NCOR2: variants seen among roughly 807,000 people sequenced by gnomAD.
NCOR2 encodes the protein CTG repeat protein 26.
A neutral mutation model predicts 262.9 loss-of-function variants in NCOR2; 81 were observed. The observed-to-expected ratio is 0.31, with a 90% CI of 0.26 to 0.37. The LOEUF (loss-of-function observed/expected upper bound fraction) is 0.37. NCOR2 is among the 10% of genes least tolerant of loss of function. The pLI, the probability that NCOR2 is intolerant of heterozygous loss-of-function variation, is 1.00. For missense variants in NCOR2, 3,385 were observed against 3,621.4 expected, an observed-to-expected ratio of 0.93 and a Z score of 1.68; for synonymous variants, 1,659 against 1,559.3, an observed-to-expected ratio of 1.06 and a Z score of -1.51.
chr12:124,501,287 A>G (rs2048718915), intron 1 of NCOR2, among the ~76,000 whole-genome samples: 1 of 151,778 alleles, frequency 6.6e-6, no homozygotes, highest in East Asian at 1.9e-4. Context: ...CTCAGTAGGT[A>G]TTTGTTCCAC....
intron 13 of NCOR2, 92 bp from the exon 16 acceptor site, chr12:124,402,653 G>C (rs2042046926): frequency 1.3e-6 from 2 of 1,530,444 alleles, no homozygotes; most frequent in South Asian, 2.4e-5. Context: ...CCTGAGCTGG[G>C]GGAGGAGGAG....
Position 124,378,192 on chromosome 12 carries a change from C to G in NCOR2, c.2167+45G>C. On this transcript the variant is annotated intron_variant, in intron 18 of 46. Coordinates refer to ENST00000405201, the Ensembl canonical transcript of NCOR2. This position sits in a 1 kb window ranked among gnomAD's most constrained non-coding sequence, Gnocchi z 4.2. ...TCCCGCTATGCCCTCCCTCAGAGCT[C>G]GGACCCACAGCTGCCAGCCACCTCC... 3.1e-6 allele frequency: 5 copies of G among 1,598,968 alleles called. No homozygotes were observed. Among genetic ancestry groups the G allele is most frequent in the Non-Finnish European group, 4.3e-6 (5 of 1,171,066 alleles).
rs1046928662 is a variant in NCOR2 at position 124,430,890 on chromosome 12, A to G, written c.883-103T>C. ...CAGGCAGACACACAGGTGCGTGCGC[A>G]CACACACAAAGTCACACAGGCACAC... On this transcript the variant is annotated intron_variant, in intron 8 of 46. Coordinates refer to ENST00000405201, the Ensembl canonical transcript of NCOR2. The G allele has an allele frequency of 2.3e-5, 32 of 1,386,286 alleles. No individual in the cohort carries two copies. In the African/African-American group the frequency reaches 2.8e-4, roughly 12 times the overall value. 85.9% of individuals were successfully genotyped at this position (1,386,286 alleles called of 1,614,324 possible).
chr12:124,355,291 C>A, intron 24 of NCOR2, 141 bp downstream of exon 26: 1 of 1,050,802 alleles, frequency 9.5e-7, no homozygotes, highest in Non-Finnish European at 1.4e-6. Flanking sequence ...CAGGACCCAG[C>A]CAGCTCAGAC....
intron 2 of NCOR2, among the ~76,000 whole-genome samples, chr12:124,485,363 C>T (rs1020237311): frequency 1.3e-5 from 2 of 152,208 alleles, no homozygotes; most frequent in East Asian, 1.9e-4. Flanking sequence ...GAAATGGCCA[C>T]GTGAGACAGA....
At chr12:124,553,327 C>G (rs1267371649) in intron 1 of NCOR2, among the ~76,000 whole-genome samples, 1 of 152,228 alleles carries the variant, frequency 6.6e-6, no homozygotes, top group African/African-American at 2.4e-5. Context: ...CACCTTAAAT[C>G]CCCTTTGCAG....
chr12:124,483,950 G>A lies in NCOR2; in HGVS notation c.234-177C>T, dbSNP rs955132687. Among the ~76,000 whole-genome samples, 1 of 152,190 alleles carries A rather than the reference G, an allele frequency of 6.6e-6. No individual in the cohort carries two copies. The highest frequency in any genetic ancestry group is 1.5e-5 in the Non-Finnish European group (1 of 68,022). On this transcript the variant is annotated intron_variant, in intron 2 of 46. Coordinates refer to ENST00000405201, the Ensembl canonical transcript of NCOR2. This position sits in a 1 kb window ranked among gnomAD's most constrained non-coding sequence, Gnocchi z 6.3. ...TCCCACAGCAGGGCAGGACTCCAAT[G>A]CAGCGCTGCCTTCCTTCAGGTCCAC...
rs117751641 is a variant in NCOR2, at chr12:124,473,153, C to T, written c.412-22G>A. 2.6e-5 allele frequency: 42 copies of T among 1,612,846 alleles called. No individual in the cohort carries two copies. In the East Asian group the frequency reaches 8.7e-4, roughly 33 times the overall value. The stretch of plus-strand genomic sequence containing the variant: ...GGTCCTGTGGCAGAAAAAAAACGGG[C>T]ATGGGGTCAGCACAGGGGACACCCC... On this transcript the variant is annotated intron_variant, in intron 3 of 46. Coordinates refer to ENST00000405201, the Ensembl canonical transcript of NCOR2.
intron 13 of NCOR2, among the ~76,000 whole-genome samples, chr12:124,416,251 A>G (rs1225383865): frequency 2.0e-5 from 3 of 152,176 alleles, no homozygotes; most frequent in Non-Finnish European, 4.4e-5. Context: ...CTATTTACCC[A>G]TCAAAAATGA....
upstream of NCOR2, among the ~76,000 whole-genome samples, chr12:124,499,590 G>A (rs1021457759): frequency 3.3e-5 from 5 of 152,242 alleles, no homozygotes; most frequent in African/African-American, 2.4e-5. Context: ...CGCAGGCTTG[G>A]GGGTGAGCCC....
intron 4 of NCOR2, among the ~76,000 whole-genome samples, chr12:124,471,844 G>A (rs2046847741): frequency 1.3e-5 from 2 of 152,234 alleles, no homozygotes; most frequent in African/African-American, 2.4e-5. Context: ...TGGGATTACA[G>A]GCATCAGCCA....
intron 41 of NCOR2, among the ~76,000 whole-genome samples, chr12:124,333,755 A>G (rs1053047880): frequency 6.6e-6 from 1 of 151,442 alleles, no homozygotes; most frequent in Non-Finnish European, 1.5e-5. Flanking sequence ...ACGGTTCACC[A>G]GGGTGGGGGT....
At position 124,486,431 on chromosome 12, in the gene NCOR2, C is replaced by G; in HGVS notation, c.233+10G>C. Reference sequence around the variant, plus strand: ...CGCCCTGGACAGGGAGGCAGCAACTCTCTCCTCACCGTTCATTCCCGGGCT... The same window carrying G: ...CGCCCTGGACAGGGAGGCAGCAACTGTCTCCTCACCGTTCATTCCCGGGCT... On this transcript the variant is annotated intron_variant, in intron 2 of 46. Transcript: ENST00000405201. The G allele has an allele frequency of 5.0e-6, 8 of 1,612,454 alleles. No homozygotes were observed. Among genetic ancestry groups the G allele is most frequent in the Non-Finnish European group, 6.8e-6 (8 of 1,179,526 alleles).
chr12:124,369,764 G>GCTGGACA (rs2039338575), intron 20 of NCOR2, among the ~76,000 whole-genome samples: 1 of 152,166 alleles, frequency 6.6e-6, no homozygotes, highest in Non-Finnish European at 1.5e-5. Flanking sequence ...GGGGCTGTGT[G>GCTGGACA]CTGGACACTG....
chr12:124,418,405 C>A (rs1407858903), intron 13 of NCOR2, among the ~76,000 whole-genome samples: 1 of 152,204 alleles, frequency 6.6e-6, no homozygotes, highest in Non-Finnish European at 1.5e-5. Flanking sequence ...CACTGGGACC[C>A]CGCCCCCAAC....
At chr12:124,494,372 C>T (rs535439684) in intron 1 of NCOR2, among the ~76,000 whole-genome samples, 90 of 152,330 alleles carry the variant, frequency 5.9e-4, no homozygotes, top group Admixed American at 1.8e-3. Context: ...TGGCAAACAC[C>T]CAGAGACATG....
chr12:124,545,276 G>A (rs756054958), intron 1 of NCOR2, among the ~76,000 whole-genome samples: 2 of 152,154 alleles, frequency 1.3e-5, no homozygotes, highest in Non-Finnish European at 2.9e-5. Flanking sequence ...TCCCACCTCC[G>A]CAGCAGGCCC....
chr12:124,408,330 G>A (rs965545086), intron 13 of NCOR2, among the ~76,000 whole-genome samples: 48 of 151,648 alleles, frequency 3.2e-4, no homozygotes, highest in African/African-American at 1.1e-3. Context: ...CTGCAGCCTG[G>A]GTGACAGAGT....
chr12:124,413,759 G>A (rs1290483355), intron 13 of NCOR2, among the ~76,000 whole-genome samples: 1 of 152,102 alleles, frequency 6.6e-6, no homozygotes, highest in Non-Finnish European at 1.5e-5. Flanking sequence ...GAGACAAGGC[G>A]GGAGAGAGGG....
Sources: allele counts gnomAD v4.1 joint callset (sites outside exome capture counted in the v4.1 genomes callset), GRCh38; gene constraint gnomAD v4.1.1; non-coding constraint Gnocchi (gnomAD v3.1); transcripts MANE v1.5; gene names NCBI Gene and HGNC (gene_info 2026-07-23, HGNC 2026-07-21).